The following ACOT12 variants were observed in gnomAD, a reference collection of about 807,000 sequenced individuals.
ACOT12 encodes the protein acyl-CoA thioesterase 12.
ACOT12 carries 51 observed loss-of-function variants against 67.7 expected under a neutral mutation model. The ratio of observed to expected loss-of-function variants is 0.75; its 90% CI spans 0.60 to 0.95. The LOEUF (loss-of-function observed/expected upper bound fraction) is 0.95. Ranked by LOEUF, ACOT12 falls within the 40% of genes least tolerant of loss-of-function variation. ACOT12 has a pLI of 0.00. For synonymous variants in ACOT12, 251 were observed against 244.6 expected (o/e 1.03, Z -0.24); for missense variants, 734 against 708.1 (o/e 1.04, Z -0.41).
At chr5:81,323,262 C>A in the ACOT12 span, among the ~76,000 whole-genome samples, 1 of 152,080 alleles carries the variant, frequency 6.6e-6, no homozygotes, top group Admixed American at 6.6e-5. Flanking sequence ...TTATTTAGCT[C>A]ATGCCCGTGG....
rs913099405 is a variant in ACOT12, at chr5:81,332,581, C to A, written c.1287G>T (p.Val429=). The change falls in exon 13 of 15, where the codon GTG becomes GTT. Residue 429 remains valine, a synonymous_variant. Coordinates refer to ENST00000307624, the MANE Select transcript of ACOT12 (RefSeq NM_130767.3). ...TGTGATACAGCTGATCATCTTCACTCACCCAGTCTATGACTTCACAGGACC... is the reference window on the plus strand; with the variant it reads ...TGTGATACAGCTGATCATCTTCACTAACCCAGTCTATGACTTCACAGGACC... ...HFVSCEVIDW[V]SEDDQLYHIT... 1 of 1,613,982 alleles carries A rather than the reference C, an allele frequency of 6.2e-7. No homozygotes were observed. The highest frequency in any genetic ancestry group is 8.5e-7 in the Non-Finnish European group (1 of 1,180,014).
chr5:81,384,271 C>T (rs1435958579), intron 2 of ACOT12, among the ~76,000 whole-genome samples: 2 of 151,696 alleles, frequency 1.3e-5, no homozygotes, highest in African/African-American at 2.4e-5. Flanking sequence ...ATTACAAGCG[C>T]CCGTCATCAC....
At chr5:81,330,589 G>C in intron 14 of ACOT12, 46 bp from the exon 15 acceptor site, 1 of 1,597,814 alleles carries the variant, frequency 6.3e-7, no homozygotes. Flanking sequence ...TATTGACTTG[G>C]AGCTTTTTCA....
chr5:81,335,657 C>A (rs1758971611), intron 12 of ACOT12, 111 bp downstream of exon 12: 1 of 1,315,480 alleles, frequency 7.6e-7, no homozygotes, highest in East Asian at 2.3e-5. Flanking sequence ...TCTAAAAATA[C>A]TCTTTAAACA....
At chr5:81,380,107 T>C (rs1351820197) in intron 2 of ACOT12, among the ~76,000 whole-genome samples, 2 of 152,212 alleles carry the variant, frequency 1.3e-5, no homozygotes, top group African/African-American at 4.8e-5. Flanking sequence ...ATTAGAAATC[T>C]GAACAAATTT....
At chr5:81,373,896 G>C (rs1472354524) in intron 2 of ACOT12, among the ~76,000 whole-genome samples, 1 of 152,162 alleles carries the variant, frequency 6.6e-6, no homozygotes, top group Non-Finnish European at 1.5e-5. Context: ...GGAAGGGGTG[G>C]CTATGGGCGC....
At chr5:81,323,895 TACGTATATATAC>T in the ACOT12 span, among the ~76,000 whole-genome samples, 7 of 137,214 alleles carry the variant, frequency 5.1e-5, no homozygotes, top group East Asian at 4.0e-4. Flanking sequence ...TATACATATA[TACGTATATATAC>T]ACGTATATAT....
At chr5:81,349,517 T>A (rs899182256) in intron 5 of ACOT12, among the ~76,000 whole-genome samples, 2 of 152,148 alleles carry the variant, frequency 1.3e-5, no homozygotes, top group Non-Finnish European at 2.9e-5. Context: ...GTGTCTTCAA[T>A]TTCACTCATA....
At chr5:81,389,082 T>C (rs921858528) in intron 1 of ACOT12, among the ~76,000 whole-genome samples, 4 of 152,198 alleles carry the variant, frequency 2.6e-5, no homozygotes, top group African/African-American at 9.6e-5. Context: ...AGATACATAA[T>C]GACAAAATGG....
At chr5:81,332,162 T>C (rs185900834) in intron 13 of ACOT12, among the ~76,000 whole-genome samples, 3 of 152,334 alleles carry the variant, frequency 2.0e-5, no homozygotes, top group Admixed American at 2.0e-4. Flanking sequence ...AACCAATTCC[T>C]GATGTCTTAT....
chr5:81,310,127 CT>C, the ACOT12 span, among the ~76,000 whole-genome samples: 3 of 133,890 alleles, frequency 2.2e-5, no homozygotes, highest in Non-Finnish European at 4.6e-5. Context: ...GCAAAAATGG[CT>C]TTCACTGGTC....
chr5:81,346,222 T>A (rs1418190432), intron 6 of ACOT12, among the ~76,000 whole-genome samples: 1 of 152,244 alleles, frequency 6.6e-6, no homozygotes, highest in African/African-American at 2.4e-5. Context: ...TTGATGCTTC[T>A]ACTCCTTTGG....
chr5:81,323,377 C>T, the ACOT12 span, among the ~76,000 whole-genome samples: 1 of 152,200 alleles, frequency 6.6e-6, no homozygotes. Context: ...CTAAGCTGGA[C>T]TCAGATGAAG....
chr5:81,322,332 A>G, the ACOT12 span, among the ~76,000 whole-genome samples: 24 of 152,294 alleles, frequency 1.6e-4, no homozygotes, highest in Admixed American at 1.5e-3. Flanking sequence ...AGTAACAATG[A>G]AAGCCAGGAA....
chr5:81,330,512 A>C lies in ACOT12; in HGVS notation c.1550T>G (p.Ile517Ser), dbSNP rs777328911. ...AAGATTTCCAGCAAAGTAAGGAAGGATGCTAGCAGACATATGGTTAAAGTA... is the reference window on the plus strand; with the variant it reads ...AAGATTTCCAGCAAAGTAAGGAAGGCTGCTAGCAGACATATGGTTAAAGTA... ...VSYFNHMSAS[I>S]LPYFAGNLGG... Residue 517 changes from isoleucine (I) to serine (S), a missense_variant, in exon 15 of 15, where the codon ATC becomes AGC. Physicochemically the swap from Ile to Ser is moderately radical, Grantham distance 142. Transcript: ENST00000307624. 4 of 1,614,156 alleles carry C rather than the reference A, an allele frequency of 2.5e-6. No homozygotes were observed. In the South Asian group the frequency reaches 4.4e-5, roughly 18 times the overall value.
At position 81,390,730 on chromosome 5, in the gene ACOT12, G is replaced by A. The variant is rs1288846142; in HGVS notation, c.127+3258C>T. Among the ~76,000 whole-genome samples, 3 of 151,800 alleles carry A rather than the reference G, an allele frequency of 2.0e-5. 1 individual carries two copies. The highest frequency in any genetic ancestry group is 4.4e-5 in the Non-Finnish European group (3 of 67,990). Reference sequence around the variant, plus strand: ...TTGACCAGGCTGGTCTTGAACTCCTGACCTCAAGTGATCCACCTGCCTCAG... The same window carrying A: ...TTGACCAGGCTGGTCTTGAACTCCTAACCTCAAGTGATCCACCTGCCTCAG... On this transcript the variant is annotated intron_variant, in intron 1 of 14. Transcript: ENST00000307624.
intron 5 of ACOT12, among the ~76,000 whole-genome samples, chr5:81,354,448 A>C (rs1759646966): frequency 6.6e-6 from 1 of 152,186 alleles, no homozygotes; most frequent in Non-Finnish European, 1.5e-5. Flanking sequence ...ACACCAGAAG[A>C]AGCCGGTGCA....
At position 81,344,979 on chromosome 5, in the gene ACOT12, C is replaced by CGCCCTCG. The variant is rs1241495773; in HGVS notation, c.829_835dup (p.Arg279ProfsTer16). On this transcript the variant is annotated frameshift_variant, in exon 8 of 15. Coordinates refer to ENST00000307624, the MANE Select transcript of ACOT12 (RefSeq NM_130767.3). LOFTEE classifies it high-confidence loss of function. ...AATGAGAAAAGCACTGTTGATGTGA[C>CGCCCTCG]GCCCTCGGCCCTCGGCCCATTCCTG... 2.5e-6 allele frequency: 4 copies of CGCCCTCG among 1,614,034 alleles called. No individual in the cohort carries two copies. Among genetic ancestry groups the CGCCCTCG allele is most frequent in the Non-Finnish European group, 3.4e-6 (4 of 1,180,022 alleles).
intron 2 of ACOT12, among the ~76,000 whole-genome samples, chr5:81,374,452 C>T (rs1008652286): frequency 6.6e-6 from 1 of 152,116 alleles, no homozygotes; most frequent in African/African-American, 2.4e-5. Context: ...GATCACAACT[C>T]CGTGCCAGGA....
Sources: allele counts gnomAD v4.1 joint callset (sites outside exome capture counted in the v4.1 genomes callset), GRCh38; gene constraint gnomAD v4.1.1; transcripts MANE v1.5; gene names NCBI Gene and HGNC (gene_info 2026-07-23, HGNC 2026-07-21).